Variants in ADAMTS12 observed in about 807,000 individuals in gnomAD.
ADAMTS12 encodes the protein ADAM metallopeptidase with thrombospondin type 1 motif 12.
A neutral mutation model predicts 167.8 loss-of-function variants in ADAMTS12; 118 were observed. The observed-to-expected ratio is 0.70, with a 90% CI of 0.61 to 0.82. The LOEUF (loss-of-function observed/expected upper bound fraction) is 0.82, where lower values mean the gene tolerates loss of function less well. Ranked by LOEUF, ADAMTS12 falls within the 40% of genes least tolerant of loss-of-function variation. The pLI is 0.00. For missense variants in ADAMTS12, 1,916 were observed against 1,998.8 expected (o/e 0.96, Z 0.79); for synonymous variants, 704 against 716.9 (o/e 0.98, Z 0.29).
chr5:33,649,497 T>G (rs976713376), intron 8 of ADAMTS12, 57 bp downstream of exon 8: 11 of 1,586,490 alleles, frequency 6.9e-6, no homozygotes, highest in Non-Finnish European at 9.4e-6. Flanking sequence ...TAAAACTCAA[T>G]GCAGCTTCCA....
intron 2 of ADAMTS12, among the ~76,000 whole-genome samples, chr5:33,784,143 C>G (rs567230013): frequency 8.6e-5 from 13 of 151,736 alleles, no homozygotes; most frequent in African/African-American, 3.1e-4. Flanking sequence ...AAGTCCTTGA[C>G]AAAAATCACT....
intron 3 of ADAMTS12, among the ~76,000 whole-genome samples, chr5:33,723,539 A>C (rs1743874941): frequency 6.6e-6 from 1 of 152,160 alleles, no homozygotes; most frequent in African/African-American, 2.4e-5. Flanking sequence ...CTAATCTTAA[A>C]TCAAAAGAGC....
chr5:33,680,408 T>G (rs1295552764), intron 5 of ADAMTS12, among the ~76,000 whole-genome samples: 1 of 152,170 alleles, frequency 6.6e-6, no homozygotes, highest in Non-Finnish European at 1.5e-5. Context: ...CTACCAGTGG[T>G]GCTGCTGGGA....
At chr5:33,529,062 A>T (rs188911329) in intron 23 of ADAMTS12, among the ~76,000 whole-genome samples, 1 of 152,274 alleles carries the variant, frequency 6.6e-6, no homozygotes, top group Non-Finnish European at 1.5e-5. Context: ...AGAAGAAAAA[A>T]AATAATAACC....
chr5:33,867,537 C>T (rs1160647856), intron 2 of ADAMTS12, among the ~76,000 whole-genome samples: 2 of 152,002 alleles, frequency 1.3e-5, no homozygotes, highest in African/African-American at 4.8e-5. Flanking sequence ...GATGCGTGCA[C>T]TAAAATCTCA....
intron 2 of ADAMTS12, among the ~76,000 whole-genome samples, chr5:33,868,916 A>G (rs1486231440): frequency 1.3e-5 from 2 of 152,242 alleles, no homozygotes; most frequent in African/African-American, 2.4e-5. Context: ...AGCAGACTGT[A>G]AAAGTTTGGA....
chr5:33,773,434 T>G (rs987261330), intron 2 of ADAMTS12, among the ~76,000 whole-genome samples: 3 of 152,218 alleles, frequency 2.0e-5, no homozygotes, highest in Non-Finnish European at 4.4e-5. Context: ...GAAACCCTGC[T>G]GCCAGTCTGT....
intron 11 of ADAMTS12, among the ~76,000 whole-genome samples, chr5:33,639,735 C>A (rs758898010): frequency 5.9e-5 from 9 of 152,134 alleles, no homozygotes; most frequent in Non-Finnish European, 1.2e-4. Flanking sequence ...ACAGAGAACT[C>A]AAATCCTGGC....
intron 19 of ADAMTS12, among the ~76,000 whole-genome samples, chr5:33,574,342 C>G (rs1323233964): frequency 6.6e-6 from 1 of 152,058 alleles, no homozygotes; most frequent in Middle Eastern, 3.4e-3. Context: ...GACTTGGAAC[C>G]AACCCAAATG....
At position 33,549,278 on chromosome 5, in the gene ADAMTS12, T is replaced by C. The variant is rs190885023; in HGVS notation, c.4231A>G (p.Ile1411Val). 6 of 1,614,110 alleles carry C rather than the reference T, an allele frequency of 3.7e-6. No individual in the cohort carries two copies. In the East Asian group the frequency reaches 1.1e-4, roughly 30 times the overall value. Residue 1411 changes from isoleucine (I) to valine (V), a missense_variant, in exon 21 of 24, where the codon ATT (isoleucine) becomes GTT (valine). Physicochemically the swap from Ile to Val is conservative, Grantham distance 29 (BLOSUM62 3). Coordinates refer to ENST00000504830, the MANE Select transcript of ADAMTS12 (RefSeq NM_030955.4). ...RPFHCQFLAG[I>V]PPPLSMSCNP... ...CAGCTCATGCTCAATGGGGGAGGAA[T>C]GCCGGCCAGGAACTGGCAGTGAAAT...
At chr5:33,555,474 T>C (rs1745449980) in intron 20 of ADAMTS12, among the ~76,000 whole-genome samples, 1 of 152,222 alleles carries the variant, frequency 6.6e-6, no homozygotes, top group South Asian at 2.1e-4. Context: ...GGTCTTGAAC[T>C]GCTGAGGTCA....
At chr5:33,758,698 C>T (rs541097396) in intron 2 of ADAMTS12, among the ~76,000 whole-genome samples, 2 of 152,238 alleles carry the variant, frequency 1.3e-5, no homozygotes, top group South Asian at 2.1e-4. Flanking sequence ...GGAAGCAAGA[C>T]GGAATTGCTC....
At chr5:33,874,290 A>T (rs1216626673) in intron 2 of ADAMTS12, among the ~76,000 whole-genome samples, 1 of 152,242 alleles carries the variant, frequency 6.6e-6, no homozygotes, top group Non-Finnish European at 1.5e-5. Flanking sequence ...CTCACTGAAG[A>T]AGATATACAT....
At position 33,755,156 on chromosome 5, in the gene ADAMTS12, T is replaced by C. The variant is rs114427788; in HGVS notation, c.490-3608A>G. On this transcript the variant is annotated intron_variant, in intron 2 of 23. Transcript: ENST00000504830. ...TAGTTTTGAGCCTATTTTGAATTCT[T>C]TGGAGGAAAAAATATTTGATATACG... Among the ~76,000 whole-genome samples the C allele has an allele frequency of 8.5e-3, 1,289 of 152,282 alleles. 19 individuals carry two copies. Among genetic ancestry groups the C allele is most frequent in the African/African-American group, 0.03 (1,238 of 41,536 alleles).
chr5:33,753,460 G>A (rs1364971381), intron 2 of ADAMTS12, among the ~76,000 whole-genome samples: 2 of 152,160 alleles, frequency 1.3e-5, no homozygotes, highest in African/African-American at 2.4e-5. Flanking sequence ...AGGCACAAGA[G>A]GAAAATGTGA....
chr5:33,608,362 T>C (rs573535129), intron 16 of ADAMTS12, among the ~76,000 whole-genome samples: 12 of 152,286 alleles, frequency 7.9e-5, no homozygotes, highest in Non-Finnish European at 1.3e-4. Context: ...ATTTTAACAA[T>C]AGAATTCTGT....
chr5:33,551,172 C>T lies in ADAMTS12; in HGVS notation c.4126-1789G>A, dbSNP rs575541800. 1.1e-4 allele frequency among the ~76,000 whole-genome samples: 17 copies of T among 152,248 alleles called. 1 individual carries two copies. The South Asian group carries it at 2.9e-3, about 26-fold the overall frequency. On this transcript the variant is annotated intron_variant, in intron 20 of 23. Coordinates refer to ENST00000504830, the MANE Select transcript of ADAMTS12 (RefSeq NM_030955.4). ...GTGGTTGAGGAAAGAAAATTCCTCA[C>T]GACTTTTCAGTAGACATAGACCCCA...
At chr5:33,609,809 AT>A (rs1738635670) in intron 16 of ADAMTS12, among the ~76,000 whole-genome samples, 2 of 152,184 alleles carry the variant, frequency 1.3e-5, no homozygotes, top group Non-Finnish European at 2.9e-5. Context: ...TAACAGTTCC[AT>A]TCATTAAATA....
rs183675780 is a variant in ADAMTS12 at position 33,575,706 on chromosome 5, G to C, written c.3972+348C>G. 3.9e-5 allele frequency among the ~76,000 whole-genome samples: 6 copies of C among 152,256 alleles called. No individual in the cohort carries two copies. The East Asian group carries it at 1.2e-3, about 29-fold the overall frequency. On this transcript the variant is annotated intron_variant, in intron 19 of 23. Transcript: ENST00000504830. ...AACAGGTTTCTTAAGGATGGGGACT[G>C]CATAATGATTTCAAAGGGCTGCACA... is the stretch of plus-strand genomic sequence containing the variant.
Sources: allele counts gnomAD v4.1 joint callset (sites outside exome capture counted in the v4.1 genomes callset), GRCh38; gene constraint gnomAD v4.1.1; transcripts MANE v1.5; gene names NCBI Gene and HGNC (gene_info 2026-07-23, HGNC 2026-07-21).